VPS13D: variants seen among roughly 807,000 people sequenced by gnomAD.
VPS13D encodes the protein intermembrane lipid transfer protein VPS13D.
VPS13D carries 187 observed loss-of-function variants against 461.9 expected under a neutral mutation model. The ratio of observed to expected loss-of-function variants is 0.40; its 90% CI spans 0.36 to 0.46. VPS13D has a LOEUF of 0.46. VPS13D is among the 20% of genes least tolerant of loss of function. The pLI, the probability that VPS13D is intolerant of heterozygous loss-of-function variation, is 0.60. For missense variants in VPS13D, 4,711 were observed against 5,364.9 expected (o/e 0.88, Z 3.81); for synonymous variants, 1,951 against 1,986.3 (o/e 0.98, Z 0.47).
chr1:12,266,221 C>T (rs1472976143), intron 13 of VPS13D, among the ~76,000 whole-genome samples: 1 of 152,160 alleles, frequency 6.6e-6, no homozygotes, highest in East Asian at 1.9e-4. Flanking sequence ...GATACTAAAT[C>T]AACTTAGTTG....
At chr1:12,425,070 G>A (rs1644907809) in intron 65 of VPS13D, among the ~76,000 whole-genome samples, 1 of 152,052 alleles carries the variant, frequency 6.6e-6, no homozygotes, top group East Asian at 1.9e-4. Flanking sequence ...TTGAAAAATT[G>A]TGACAAACTT....
intron 30 of VPS13D, 72 bp from the exon 31 acceptor site, chr1:12,318,000 G>C: frequency 6.7e-7 from 1 of 1,486,298 alleles, no homozygotes; most frequent in African/African-American, 1.4e-5. Context: ...AAACTGAGCA[G>C]TACATTTGCA....
intron 18 of VPS13D, among the ~76,000 whole-genome samples, chr1:12,274,372 C>T (rs181775111): frequency 3.9e-5 from 6 of 152,258 alleles, no homozygotes; most frequent in East Asian, 1.9e-4. Context: ...GACAGGGTTT[C>T]GCCATGTTGG....
rs1341536741 is a variant in VPS13D at position 12,319,643 on chromosome 1, T to C, written c.7548+13T>C. 6.8e-6 allele frequency: 11 copies of C among 1,614,132 alleles called. No individual in the cohort carries two copies. Among genetic ancestry groups the C allele is most frequent in the Non-Finnish European group, 9.3e-6 (11 of 1,180,040 alleles). ...GTTTGGCATTGAGGTAAGAAGTCTA[T>C]GTGTTGATCACAGCACTGCGTGTTG... On this transcript the variant is annotated intron_variant, in intron 32 of 69. Transcript: ENST00000620676.
At position 12,497,476 on chromosome 1, in the gene VPS13D, C is replaced by T. The variant is rs141068851; in HGVS notation, c.12663-24C>T. On this transcript the variant is annotated intron_variant, in intron 67 of 69. Transcript: ENST00000620676. ...TTAACCTGCACACTTAACCTCTTGG[C>T]TTTATGTCCATTTACCCATCTAGGA... 1,318 of 1,602,366 alleles carry T rather than the reference C, an allele frequency of 8.2e-4. 6 individuals carry two copies. In the African/African-American group the frequency reaches 0.016, roughly 19 times the overall value.
At chr1:12,413,609 C>G (rs1644758331) in intron 63 of VPS13D, among the ~76,000 whole-genome samples, 1 of 152,120 alleles carries the variant, frequency 6.6e-6, no homozygotes, top group Non-Finnish European at 1.5e-5. Flanking sequence ...ATGGCTGAGA[C>G]TACAGGCGCA....
Position 12,276,136 on chromosome 1 carries a change from G to T in VPS13D, c.2548G>T (p.Glu850Ter), listed in dbSNP as rs752011066. 6.2e-7 allele frequency: 1 copy of T among 1,614,160 alleles called. No individual in the cohort carries two copies. The highest frequency in any genetic ancestry group is 2.2e-5 in the East Asian group (1 of 44,864). The change falls in exon 19 of 70, where the codon GAG (glutamate) becomes TAG (stop). Residue 850 changes from glutamate (E) to a stop codon, truncating the protein, a stop_gained. Transcript: ENST00000620676. LOFTEE classifies it high-confidence loss of function. This position sits in a 1 kb window ranked among gnomAD's most constrained non-coding sequence, Gnocchi z 4.5. ...DIDVGPTHVVEKFNVHLQLER... is the reference protein window; with the variant it reads ...DIDVGPTHVV ...TGACGTGGGACCAACACATGTGGTA[G>T]AGAAGTTCAACGTTCACCTACAGTT... is the stretch of plus-strand genomic sequence containing the variant.
rs557442613 is a variant in VPS13D at position 12,280,114 on chromosome 1, T to C, written c.4602+464T>C. 2.0e-5 allele frequency among the ~76,000 whole-genome samples: 3 copies of C among 152,318 alleles called. 1 individual carries two copies. The highest frequency in any genetic ancestry group is 6.5e-5 in the Admixed American group (1 of 15,306). On this transcript the variant is annotated intron_variant, in intron 20 of 69. Transcript: ENST00000620676. ...ATAGGGATTTCTTTTTTTATGGGCA[T>C]GCATGTATGTATACACCTTTTCTTT...
chr1:12,407,809 A>C (rs1473985003), intron 63 of VPS13D, among the ~76,000 whole-genome samples: 6 of 152,226 alleles, frequency 3.9e-5, no homozygotes, highest in Non-Finnish European at 7.3e-5. Context: ...ATTTCAGTAG[A>C]GGTTTCAAAG....
chr1:12,405,356 AAC>A (rs1356013097), intron 63 of VPS13D, among the ~76,000 whole-genome samples: 2 of 152,352 alleles, frequency 1.3e-5, no homozygotes, highest in Admixed American at 6.5e-5. Flanking sequence ...GGCCTAACAA[AAC>A]ACATGTGTGG....
chr1:12,247,417 A>G (rs1048173091), intron 5 of VPS13D, among the ~76,000 whole-genome samples: 1 of 144,102 alleles, frequency 6.9e-6, no homozygotes, highest in South Asian at 2.2e-4. Flanking sequence ...ACTCCATCTC[A>G]AAAAAAAAAA....
chr1:12,272,392 GGTGT>G (rs60615824), intron 17 of VPS13D, among the ~76,000 whole-genome samples: 3,518 of 143,060 alleles, frequency 0.025, 109 homozygotes, highest in East Asian at 0.14. Context: ...TTTTTGTTTT[GGTGT>G]GTGTGTGTGT....
rs1205310731 is a variant in VPS13D, at chr1:12,244,610, AT to A, written c.441del (p.Asn147LysfsTer4). The part of the protein sequence containing the change: ...TASVVTRIVE[N>X]IELKIQDVHL... ...TCCGTAGTTACAAGGATTGTGGAGA[AT>A]ATTGAAGTAAGTCCTGCTGACTTTT... On this transcript the variant is annotated frameshift_variant, in exon 5 of 70. Coordinates refer to ENST00000620676, the MANE Select transcript of VPS13D (RefSeq NM_015378.4). LOFTEE classifies it high-confidence loss of function. The A allele has an allele frequency of 6.2e-7, 1 of 1,613,894 alleles. No individual in the cohort carries two copies. Among genetic ancestry groups the A allele is most frequent in the Non-Finnish European group, 8.5e-7 (1 of 1,179,828 alleles).
chr1:12,359,003 A>G (rs985483233), intron 50 of VPS13D, among the ~76,000 whole-genome samples: 3 of 152,216 alleles, frequency 2.0e-5, no homozygotes, highest in Non-Finnish European at 4.4e-5. Context: ...TTGAAACTGA[A>G]GGAGAGAGGT....
At chr1:12,401,202 C>G (rs752018462) in intron 61 of VPS13D, among the ~76,000 whole-genome samples, 17 of 152,168 alleles carry the variant, frequency 1.1e-4, no homozygotes, top group Non-Finnish European at 2.4e-4. Flanking sequence ...GGGGTTGCTT[C>G]CCATATTTCT....
intron 67 of VPS13D, among the ~76,000 whole-genome samples, chr1:12,476,557 A>G (rs554961545): frequency 6.6e-6 from 1 of 152,358 alleles, no homozygotes; most frequent in South Asian, 2.1e-4. Flanking sequence ...TATTATGACT[A>G]AAGACTTAAT....
chr1:12,331,414 T>C (rs74550641), intron 37 of VPS13D, among the ~76,000 whole-genome samples: 4,294 of 152,230 alleles, frequency 0.028, 110 homozygotes, highest in African/African-American at 0.061. Context: ...CTAACACCCT[T>C]ATTTCTTCAT....
At chr1:12,390,961 T>C (rs928079193) in intron 60 of VPS13D, among the ~76,000 whole-genome samples, 6 of 152,184 alleles carry the variant, frequency 3.9e-5, no homozygotes, top group Non-Finnish European at 8.8e-5. Flanking sequence ...AGGTCACCCA[T>C]TGGTGAGCAC....
At chr1:12,267,413 T>A (rs1339496970) in intron 14 of VPS13D, among the ~76,000 whole-genome samples, 2 of 152,198 alleles carry the variant, frequency 1.3e-5, no homozygotes, top group Non-Finnish European at 2.9e-5. Flanking sequence ...ATGTAATTTT[T>A]AAAATATAAT....
Sources: gnomAD v4.1 joint callset for allele counts (sites outside exome capture counted in the v4.1 genomes callset) on GRCh38, gnomAD v4.1.1 for gene constraint, Gnocchi (gnomAD v3.1) non-coding constraint, MANE v1.5 for transcripts, NCBI Gene and HGNC (gene_info 2026-07-23, HGNC 2026-07-21) for gene names.